Variants in SORCS3 observed in about 807,000 individuals in gnomAD.
SORCS3 encodes the protein sortilin related VPS10 domain containing receptor 3.
In SORCS3, 57 loss-of-function variants were observed where a neutral mutation model predicts 146.3. That is an observed-to-expected ratio of 0.39 (90% CI 0.31 to 0.49). The LOEUF is 0.49. SORCS3 is among the 20% of genes least tolerant of loss of function. SORCS3 has a pLI of 0.92. For missense variants in SORCS3, 1,341 were observed against 1,575.5 expected (o/e 0.85, Z 2.52); for synonymous variants, 653 against 618.5 (o/e 1.06, Z -0.83).
intron 1 of SORCS3, among the ~76,000 whole-genome samples, chr10:104,727,531 A>AT (rs1374840196): frequency 8.6e-6 from 1 of 116,380 alleles, no homozygotes; most frequent in African/African-American, 3.0e-5. Context: ...CTTAGAAGGG[A>AT]TATATGTGTG....
intron 4 of SORCS3, among the ~76,000 whole-genome samples, 196 bp downstream of exon 4, chr10:104,977,689 ATATTTCACT>A (rs1399492969): frequency 6.8e-6 from 1 of 147,558 alleles, no homozygotes; most frequent in East Asian, 2.0e-4. Flanking sequence ...GTAGACAGGT[ATATTTCACT>A]TATTGACAAT....
intron 14 of SORCS3, 63 bp downstream of exon 14, chr10:105,178,236 G>T: frequency 2.2e-6 from 3 of 1,352,570 alleles, no homozygotes; most frequent in East Asian, 2.4e-5. Flanking sequence ...TTTCATTGAG[G>T]CCTTGGATTT....
intron 4 of SORCS3, among the ~76,000 whole-genome samples, chr10:104,990,167 T>C (rs1344631566): frequency 6.6e-6 from 1 of 152,198 alleles, no homozygotes; most frequent in East Asian, 1.9e-4. Context: ...TAGCCAAAGA[T>C]AGCAGAATTT....
intron 16 of SORCS3, among the ~76,000 whole-genome samples, chr10:105,210,924 G>T (rs1304002222): frequency 6.6e-6 from 1 of 152,014 alleles, no homozygotes; most frequent in Non-Finnish European, 1.5e-5. Context: ...TTGCTATTTT[G>T]TTCTGTTGAC....
At chr10:105,125,621 A>T (rs1452375591) in intron 7 of SORCS3, among the ~76,000 whole-genome samples, 4 of 151,464 alleles carry the variant, frequency 2.6e-5, no homozygotes, top group Non-Finnish European at 4.4e-5. Context: ...ATGAGTAAGT[A>T]CATAGAGCTT....
At chr10:104,726,894 G>T (rs999110536) in intron 1 of SORCS3, among the ~76,000 whole-genome samples, 1 of 152,132 alleles carries the variant, frequency 6.6e-6, no homozygotes, top group African/African-American at 2.4e-5. Context: ...AAGACTTCCA[G>T]TGTTCAATCT....
At chr10:104,984,796 C>T (rs1482303840) in intron 4 of SORCS3, among the ~76,000 whole-genome samples, 1 of 152,046 alleles carries the variant, frequency 6.6e-6, no homozygotes, top group Non-Finnish European at 1.5e-5. Context: ...TTGGTTTCCC[C>T]ATGCGTATAA....
At chr10:105,017,129 C>G (rs956891731) in intron 4 of SORCS3, among the ~76,000 whole-genome samples, 2 of 150,536 alleles carry the variant, frequency 1.3e-5, no homozygotes, top group Non-Finnish European at 2.9e-5. Flanking sequence ...CAAAGTTATT[C>G]GTTATAATGA....
rs145887499 is a variant in SORCS3, at chr10:105,018,959, A to G, written c.955-24096A>G. On this transcript the variant is annotated intron_variant, in intron 4 of 26. Transcript: ENST00000369701. The stretch of plus-strand genomic sequence containing the variant: ...TGCTCCATCCATTCTTCCTGTCACT[A>G]TCTTGGGACTTCCCCCTCTTCCTTG... Among the ~76,000 whole-genome samples, 797 of 152,164 alleles carry G rather than the reference A, an allele frequency of 5.2e-3. 7 individuals are homozygous for G. Among genetic ancestry groups the G allele is most frequent in the Non-Finnish European group, 7.7e-3 (526 of 67,994 alleles).
At chr10:104,719,522 G>A (rs939859876) in intron 1 of SORCS3, among the ~76,000 whole-genome samples, 1 of 152,174 alleles carries the variant, frequency 6.6e-6, no homozygotes, top group Admixed American at 6.5e-5. Flanking sequence ...TGGATGCCCA[G>A]GGAAAGACAT....
chr10:104,944,542 G>A (rs1427531702), intron 3 of SORCS3, among the ~76,000 whole-genome samples: 1 of 152,074 alleles, frequency 6.6e-6, no homozygotes, highest in Non-Finnish European at 1.5e-5. Context: ...AAAAAAATGG[G>A]CAGAAGACTT....
Position 105,014,138 on chromosome 10 carries a change from A to G in SORCS3, c.955-28917A>G, listed in dbSNP as rs1478511108. On this transcript the variant is annotated intron_variant, in intron 4 of 26. Coordinates refer to ENST00000369701, the MANE Select transcript of SORCS3 (RefSeq NM_014978.3). The stretch of plus-strand genomic sequence containing the variant: ...ATATATATACATATATATATATAAC[A>G]ACGTAATATAAAAAAATTCGCATAG... 2.0e-5 allele frequency among the ~76,000 whole-genome samples: 3 copies of G among 149,074 alleles called. No individual in the cohort carries two copies. The Admixed American group carries it at 2.0e-4, about 10-fold the overall frequency.
At chr10:104,881,708 A>AT (rs1554856756) in intron 2 of SORCS3, among the ~76,000 whole-genome samples, 1 of 152,168 alleles carries the variant, frequency 6.6e-6, no homozygotes, top group Non-Finnish European at 1.5e-5. Context: ...TGATCTACGG[A>AT]TGATTGAAGA....
chr10:105,147,650 G>C lies in SORCS3; in HGVS notation c.1336G>C (p.Val446Leu). ...CATCATCAGTACAGACGAGAACCAA[G>C]TATTTGCTGCGGTCCAAGAATGGAA... is the stretch of plus-strand genomic sequence containing the variant. The part of the protein sequence containing the change: ...MHIISTDENQ[V>L]FAAVQEWNQN... The change falls in exon 9 of 27, where the codon GTA becomes CTA. Residue 446 changes from valine (V) to leucine (L), a missense_variant. By Grantham distance (32) the Val-to-Leu change is conservative. Coordinates refer to ENST00000369701, the MANE Select transcript of SORCS3 (RefSeq NM_014978.3). 1 of 1,612,878 alleles carries C rather than the reference G, an allele frequency of 6.2e-7. No individual in the cohort carries two copies. The highest frequency in any genetic ancestry group is 8.5e-7 in the Non-Finnish European group (1 of 1,179,154).
At chr10:104,901,063 A>C (rs1431742090) in intron 2 of SORCS3, among the ~76,000 whole-genome samples, 1 of 152,080 alleles carries the variant, frequency 6.6e-6, no homozygotes, top group Non-Finnish European at 1.5e-5. Context: ...TTTTTCATGA[A>C]GTCTTCCTTC....
At chr10:105,105,336 A>AC in intron 6 of SORCS3, 61 bp from the exon 7 acceptor site, 1 of 1,062,670 alleles carries the variant, frequency 9.4e-7, no homozygotes, top group Non-Finnish European at 1.5e-6. Context: ...TTTGTATGCT[A>AC]CCTGGGGCTC....
intron 1 of SORCS3, among the ~76,000 whole-genome samples, chr10:104,757,582 T>G (rs2017068953): frequency 6.6e-6 from 1 of 152,196 alleles, no homozygotes; most frequent in Non-Finnish European, 1.5e-5. Flanking sequence ...TGCTTGTGTA[T>G]TCAGAGGGCT....
rs562947320 is a variant in SORCS3, at chr10:104,787,589, C to G, written c.628-55203C>G. Among the ~76,000 whole-genome samples the G allele has an allele frequency of 8.5e-4, 129 of 152,208 alleles. 1 individual carries two copies. The highest frequency in any genetic ancestry group is 2.9e-3 in the African/African-American group (121 of 41,526). ...AAGTCCAGCCTAACCATCTGATGCT[C>G]TTGGTGGAGCAGGGTGGGCAAGTGG... On this transcript the variant is annotated intron_variant, in intron 1 of 26. Coordinates refer to ENST00000369701, the MANE Select transcript of SORCS3 (RefSeq NM_014978.3).
chr10:105,253,320 T>C (rs1009458911), intron 23 of SORCS3, among the ~76,000 whole-genome samples: 6 of 152,238 alleles, frequency 3.9e-5, no homozygotes, highest in Non-Finnish European at 8.8e-5. Flanking sequence ...TTAAAGATCC[T>C]GGCCAATGTT....
Sources: gnomAD v4.1 joint callset for allele counts (sites outside exome capture counted in the v4.1 genomes callset) on GRCh38, gnomAD v4.1.1 for gene constraint, MANE v1.5 for transcripts, NCBI Gene and HGNC (gene_info 2026-07-23, HGNC 2026-07-21) for gene names.